WDR62: variants seen among roughly 807,000 people sequenced by gnomAD.
The protein encoded by WDR62 is WD repeat-containing protein 62.
Under a neutral mutation model 160.6 loss-of-function variants are expected in WDR62, and 112 were observed. The ratio of observed to expected loss-of-function variants is 0.70; its 90% CI spans 0.60 to 0.82. The LOEUF (loss-of-function observed/expected upper bound fraction) is 0.82, where lower values mean the gene tolerates loss of function less well. Among genes scored for constraint, WDR62 ranks in the 40% least tolerant of loss-of-function variants. WDR62 has a pLI of 0.00. For synonymous variants in WDR62, 792 were observed against 815.1 expected (o/e 0.97, Z 0.48); for missense variants, 1,819 against 1,983.8 (o/e 0.92, Z 1.58).
At chr19:36,074,488 C>T (rs527349505) in intron 9 of WDR62, among the ~76,000 whole-genome samples, 47 of 152,126 alleles carry the variant, frequency 3.1e-4, no homozygotes, top group African/African-American at 1.1e-3. Context: ...GAGGAAACCC[C>T]GGCTTTACAA....
At chr19:36,088,949 T>C (rs923357989) in intron 13 of WDR62, 89 bp from the exon 14 acceptor site, 3 of 1,444,304 alleles carry the variant, frequency 2.1e-6, no homozygotes, top group South Asian at 2.3e-5. Context: ...GCACAGTTGA[T>C]TGATGGCTCT....
At chr19:36,081,737 C>T in intron 10 of WDR62, 167 bp downstream of exon 10, 6 of 835,338 alleles carry the variant, frequency 7.2e-6, no homozygotes, top group Non-Finnish European at 9.9e-6. Context: ...TCTTGTTTCT[C>T]TTTCTCCTGC....
chr19:36,102,940 C>T lies in WDR62; in HGVS notation c.3336-8C>T. The T allele has an allele frequency of 6.2e-7, 1 of 1,614,198 alleles. No homozygotes were observed. The highest frequency in any genetic ancestry group is 1.7e-5 in the Admixed American group (1 of 60,030). The stretch of plus-strand genomic sequence containing the variant: ...TGAGAATCATCCCCCCTGCTCTCCT[C>T]CCCACAGGTTCACCCATACCTTCCC... On this transcript the variant is annotated splice_region_variant and splice_polypyrimidine_tract_variant and intron_variant, in intron 27 of 31. Transcript: ENST00000401500.
chr19:36,060,030 G>C lies in WDR62; in HGVS notation c.332G>C (p.Arg111Thr), dbSNP rs1970564827. ...CAGCAGCACATCTTTAACACCGCCAGGTAGGCTGAGGCCTGGGCCCGGGGC... is the reference window on the plus strand; with the variant it reads ...CAGCAGCACATCTTTAACACCGCCACGTAGGCTGAGGCCTGGGCCCGGGGC... ...NKQQHIFNTA[R>T]KSLSALAFSP... Residue 111 changes from arginine (R) to threonine (T), a missense_variant and splice_region_variant, in exon 3 of 32, where the codon AGG becomes ACG. Arg to Thr is a moderately conservative substitution (Grantham distance 71). Around this residue, in one of 3 missense-constraint regions of WDR62, gnomAD observed 934 missense variants for 1,157.2 expected, o/e 0.81. Coordinates refer to ENST00000401500, the MANE Select transcript of WDR62 (RefSeq NM_001083961.2). 1.9e-6 allele frequency: 3 copies of C among 1,614,218 alleles called. No individual in the cohort carries two copies. The South Asian group carries it at 3.3e-5, about 18-fold the overall frequency.
intron 1 of WDR62, among the ~76,000 whole-genome samples, chr19:36,057,867 T>C (rs886966143): frequency 5.9e-5 from 9 of 152,220 alleles, no homozygotes; most frequent in Non-Finnish European, 1.2e-4. Context: ...TGTCTACCTT[T>C]GGTCACTACT....
chr19:36,072,597 G>A (rs1430683350), intron 8 of WDR62, among the ~76,000 whole-genome samples: 3 of 152,184 alleles, frequency 2.0e-5, no homozygotes, highest in African/African-American at 7.2e-5. Flanking sequence ...GGTGCCAGGT[G>A]CCTAGGGCTG....
intron 3 of WDR62, 21 bp from the exon 4 acceptor site, chr19:36,065,937 A>G (rs755710162): frequency 6.2e-7 from 1 of 1,613,564 alleles, no homozygotes. Flanking sequence ...ACCAGTGATC[A>G]GCTCTTTTCT....
chr19:36,104,710 G>T (rs374849731), intron 31 of WDR62, 35 bp downstream of exon 31: 14 of 1,613,934 alleles, frequency 8.7e-6, no homozygotes, highest in East Asian at 2.2e-5. Context: ...AAGGGTTGAG[G>T]GGTCTCTTGA....
At chr19:36,090,361 G>T (rs3746271) in intron 15 of WDR62, 84 bp from the exon 16 acceptor site, 24 of 1,326,080 alleles carry the variant, frequency 1.8e-5, no homozygotes, top group Non-Finnish European at 2.4e-5. Flanking sequence ...GGCTTCCAGG[G>T]GAGGGGAGGA....
rs749258743 is a variant in WDR62 at position 36,099,502 on chromosome 19, C to A, written c.2624C>A (p.Thr875Asn). ...CGGGCCGGCCAAGAGCCCCTCAAGA[C>A]CATCCTGGATGCCCAGGACCTGGAT... ...AERAGQEPLK[T>N]ILDAQDLDCY... Residue 875 changes from threonine to asparagine, a missense_variant, in exon 22 of 32, where the codon ACC (threonine) becomes AAC (asparagine). Physicochemically the swap from Thr to Asn is moderately conservative, Grantham distance 65. Around this residue, in one of 3 missense-constraint regions of WDR62, gnomAD observed 934 missense variants for 1,157.2 expected, o/e 0.81. Coordinates refer to ENST00000401500, the MANE Select transcript of WDR62 (RefSeq NM_001083961.2). 2 of 1,614,178 alleles carry A rather than the reference C, an allele frequency of 1.2e-6. No homozygotes were observed. Among genetic ancestry groups the A allele is most frequent in the South Asian group, 2.2e-5 (2 of 91,090 alleles).
chr19:36,093,175 C>T lies in WDR62; in HGVS notation c.2333+364C>T, dbSNP rs1010248010. 4.6e-5 allele frequency among the ~76,000 whole-genome samples: 7 copies of T among 151,956 alleles called. No individual in the cohort carries two copies. In the South Asian group the frequency reaches 8.3e-4, roughly 18 times the overall value. On this transcript the variant is annotated intron_variant, in intron 19 of 31. Transcript: ENST00000401500. Reference sequence around the variant, plus strand: ...TAAAGTGGAAAAGCAAAGTGTTTGGCGAGCCTCTCAGCACTGTGATGGGGG... The same window carrying T: ...TAAAGTGGAAAAGCAAAGTGTTTGGTGAGCCTCTCAGCACTGTGATGGGGG...
chr19:36,101,381 C>A, intron 24 of WDR62, 64 bp downstream of exon 24: 1 of 1,402,410 alleles, frequency 7.1e-7, no homozygotes, highest in Non-Finnish European at 9.9e-7. Context: ...CCTTTCTGGG[C>A]ACCGATGGTG....
intron 3 of WDR62, chr19:36,062,248 A>G (rs1599749789): frequency 6.6e-6 from 1 of 152,150 alleles, no homozygotes; most frequent in Non-Finnish European, 1.5e-5. Context: ...ACTTGGCCAA[A>G]TGTTAGCATT....
At chr19:36,072,475 C>T (rs1001475527) in intron 8 of WDR62, among the ~76,000 whole-genome samples, 4 of 152,130 alleles carry the variant, frequency 2.6e-5, no homozygotes, top group African/African-American at 7.2e-5. Context: ...CCAGGCCTTA[C>T]ATGTTAGGTC....
At position 36,089,289 on chromosome 19, in the gene WDR62, C is replaced by A. The variant is rs769688376; in HGVS notation, c.1941C>A (p.Cys647Ter). 2.5e-6 allele frequency: 4 copies of A among 1,614,220 alleles called. No individual in the cohort carries two copies. In the Admixed American group the frequency reaches 6.7e-5, roughly 27 times the overall value. ...CCCAGAAGTACGTGGCCGTGGCCTG[C>A]CAGGACCGCAATGTGAGGTAAGGGG... The part of the protein sequence containing the change: ...DITQKYVAVA[C>*]QDRNVRVYNT... Residue 647 changes from cysteine to a stop codon, truncating the protein, a stop_gained, in exon 15 of 32, where the codon TGC (cysteine) becomes TGA (stop). Coordinates refer to ENST00000401500, the MANE Select transcript of WDR62 (RefSeq NM_001083961.2). LOFTEE classifies it high-confidence loss of function.
chr19:36,107,898 CAG>C (rs1973742819), downstream of WDR62, among the ~76,000 whole-genome samples: 1 of 152,024 alleles, frequency 6.6e-6, no homozygotes, highest in Non-Finnish European at 1.5e-5. Flanking sequence ...TGTGAGCTGA[CAG>C]GGTCCCAGCA....
rs536716296 is a variant in WDR62, at chr19:36,097,192, C to G, written c.2520+113C>G. 3.3e-4 allele frequency: 341 copies of G among 1,020,064 alleles called. 2 individuals are homozygous for G. In the South Asian group the frequency reaches 4.5e-3, roughly 13 times the overall value. The allele number at this position is 1,020,064 out of a possible 1,614,324, so 63.2% of individuals were successfully genotyped here. The stretch of plus-strand genomic sequence containing the variant: ...TGTCCCTCTTTTCCCTGGAGAAGCC[C>G]TGTCATCCTTCCAGGCTCAGTGAGA... On this transcript the variant is annotated intron_variant, in intron 21 of 31. Coordinates refer to ENST00000401500, the MANE Select transcript of WDR62 (RefSeq NM_001083961.2).
chr19:36,068,750 T>C (rs1971084068), intron 7 of WDR62, among the ~76,000 whole-genome samples: 1 of 152,106 alleles, frequency 6.6e-6, no homozygotes, highest in African/African-American at 2.4e-5. Context: ...CTCCCATGTC[T>C]ACTTCTTTCT....
At position 36,083,060 on chromosome 19, in the gene WDR62, C is replaced by T; in HGVS notation, c.1372-3C>T. ...GCTGACCTCAGCCCTGTCCTTCCTGCAGACCCTGCTGAAGGTCGTGTACGT... is the reference window on the plus strand; with the variant it reads ...GCTGACCTCAGCCCTGTCCTTCCTGTAGACCCTGCTGAAGGTCGTGTACGT... On this transcript the variant is annotated splice_region_variant and splice_polypyrimidine_tract_variant and intron_variant, in intron 10 of 31. Coordinates refer to ENST00000401500, the MANE Select transcript of WDR62 (RefSeq NM_001083961.2). 6.2e-7 allele frequency: 1 copy of T among 1,610,444 alleles called. No homozygotes were observed. The highest frequency in any genetic ancestry group is 2.2e-5 in the East Asian group (1 of 44,846).
Sources: allele counts gnomAD v4.1 joint callset (sites outside exome capture counted in the v4.1 genomes callset), GRCh38; gene constraint gnomAD v4.1.1; regional missense constraint gnomAD v4.1.1; transcripts MANE v1.5; gene names NCBI Gene and HGNC (gene_info 2026-07-23, HGNC 2026-07-21).